Variants in CRISP1 observed in about 807,000 individuals in gnomAD.
CRISP1 encodes the protein cysteine rich secretory protein 1, also known as cysteine-rich secretory protein 1.
CRISP1 carries 44 observed loss-of-function variants against 33.1 expected under a neutral mutation model. The ratio of observed to expected loss-of-function variants is 1.33; its 90% CI spans 1.05 to 1.71. The LOEUF is 1.71. Among genes scored for constraint, CRISP1 ranks in the 40% most tolerant of loss-of-function variants. The pLI is 0.00. For synonymous variants in CRISP1, 103 were observed against 98.7 expected (o/e 1.04, Z -0.26); for missense variants, 390 against 301.2 (o/e 1.29, Z -2.18).
chr6:49,838,514 G>A lies in CRISP1; in HGVS notation c.545C>T (p.Pro182Leu). ...CTTATAAGGTTCATTCTTTGTTTCA[G>A]GATCATTTCCCCTTGAATAAAAAAA... Reference protein sequence around the residue: ...VCHYCHEGNDPETKNEPYKTG... With the variant: ...VCHYCHEGNDLETKNEPYKTG... Residue 182 changes from proline (P) to leucine (L), a missense_variant, in exon 7 of 8, where the codon CCT becomes CTT. By Grantham distance (98) the Pro-to-Leu change is moderately conservative. Coordinates refer to ENST00000335847, the MANE Select transcript of CRISP1 (RefSeq NM_001131.3). The A allele has an allele frequency of 1.2e-6, 2 of 1,611,392 alleles. No individual in the cohort carries two copies. Among genetic ancestry groups the A allele is most frequent in the Non-Finnish European group, 1.7e-6 (2 of 1,178,796 alleles).
At chr6:49,848,339 T>C in intron 3 of CRISP1, 40 bp from the exon 4 acceptor site, 3 of 1,165,878 alleles carry the variant, frequency 2.6e-6, no homozygotes, top group Non-Finnish European at 3.7e-6. Context: ...TTCCAATTAA[T>C]ATTTTCATAA....
intron 5 of CRISP1, among the ~76,000 whole-genome samples, chr6:49,844,563 T>TGAGGCTGCCTCACGGAGCTAAAGGGAA (rs1771096466): frequency 6.7e-6 from 1 of 148,866 alleles, no homozygotes; most frequent in Non-Finnish European, 1.5e-5. Context: ...AGTCATTTGA[T>TGAGGCTGCCTCACGGAGCTAAAGGGAA]GAGGCTGCCT....
At chr6:49,847,835 C>T (rs1289459882) in intron 4 of CRISP1, among the ~76,000 whole-genome samples, 1 of 152,034 alleles carries the variant, frequency 6.6e-6, no homozygotes, top group Non-Finnish European at 1.5e-5. Flanking sequence ...ACTGCATTAT[C>T]GTTCCAAAGC....
chr6:49,838,351 G>T, intron 7 of CRISP1, 86 bp downstream of exon 7: 1 of 954,034 alleles, frequency 1.0e-6, no homozygotes, highest in South Asian at 1.5e-5. Flanking sequence ...AGAAAAGTGC[G>T]ATGTTTTTTA....
intron 2 of CRISP1, among the ~76,000 whole-genome samples, chr6:49,853,897 A>G (rs1478999624): frequency 6.6e-6 from 1 of 152,166 alleles, no homozygotes; most frequent in Non-Finnish European, 1.5e-5. Flanking sequence ...ATGTCTCACA[A>G]AACAAAACAA....
chr6:49,869,869 T>C (rs150072462), upstream of CRISP1, among the ~76,000 whole-genome samples: 59 of 152,228 alleles, frequency 3.9e-4, no homozygotes, highest in African/African-American at 1.4e-3. Flanking sequence ...TTCAATCTCG[T>C]TTATAAGGGG....
chr6:49,857,208 G>T, intron 2 of CRISP1, 127 bp downstream of exon 2: 1 of 809,696 alleles, frequency 1.2e-6, no homozygotes, highest in Non-Finnish European at 2.0e-6. Context: ...CAGGGCTATT[G>T]TGAAAACAAA....
intron 2 of CRISP1, among the ~76,000 whole-genome samples, chr6:49,853,749 C>CT (rs889469754): frequency 5.9e-5 from 9 of 152,116 alleles, no homozygotes; most frequent in African/African-American, 2.2e-4. Context: ...GTGTTCTCTA[C>CT]TTTCACAACT....
chr6:49,852,576 G>A (rs1264560887), intron 2 of CRISP1, among the ~76,000 whole-genome samples: 1 of 151,992 alleles, frequency 6.6e-6, no homozygotes, highest in Admixed American at 6.6e-5. Context: ...TGTGTGTCTG[G>A]GGTAACCCAA....
chr6:49,854,609 T>C (rs1370472015), intron 2 of CRISP1, among the ~76,000 whole-genome samples: 1 of 152,122 alleles, frequency 6.6e-6, no homozygotes, highest in Non-Finnish European at 1.5e-5. Context: ...CAACTATTGT[T>C]CTCTGTCTCT....
chr6:49,834,968 GA>G lies in CRISP1; in HGVS notation c.*347del. On this transcript the variant is annotated 3_prime_UTR_variant, in exon 8 of 8. Transcript: ENST00000335847. ...TGCAGGGAAGATAATCAGAGTGGTT[GA>G]AAATATGGGGAAGGCGGGGGTGGGA... 6.2e-6 allele frequency: 1 copy of G among 161,890 alleles called. No individual in the cohort carries two copies. The highest frequency in any genetic ancestry group is 1.3e-5 in the Non-Finnish European group (1 of 78,310). The allele number at this position is 161,890 out of a possible 1,614,324, so 10.0% of individuals were successfully genotyped here.
chr6:49,857,796 A>T (rs551651622), intron 1 of CRISP1, among the ~76,000 whole-genome samples: 1 of 152,194 alleles, frequency 6.6e-6, no homozygotes, highest in African/African-American at 2.4e-5. Flanking sequence ...AAAAGAGTCA[A>T]TGTCAGTGAT....
rs1483686604 is a variant in CRISP1, at chr6:49,835,683, A to C, written c.623-240T>G. 2.0e-5 allele frequency among the ~76,000 whole-genome samples: 3 copies of C among 152,222 alleles called. No homozygotes were observed. In the South Asian group the frequency reaches 6.2e-4, roughly 32 times the overall value. ...GTTTTTATCACAATTTTTTAAGTCC[A>C]ATATAAACAGATTGGAGAGGAATCA... is the stretch of plus-strand genomic sequence containing the variant. On this transcript the variant is annotated intron_variant, in intron 7 of 7. Coordinates refer to ENST00000335847, the MANE Select transcript of CRISP1 (RefSeq NM_001131.3).
intron 1 of CRISP1, among the ~76,000 whole-genome samples, chr6:49,876,429 C>CTGTTGG (rs1443312807): frequency 6.6e-6 from 1 of 151,818 alleles, no homozygotes; most frequent in African/African-American, 2.4e-5. Flanking sequence ...TGCTTTTACA[C>CTGTTGG]TGTTGGTGGG....
chr6:49,875,437 T>C (rs1393378752), intron 1 of CRISP1, among the ~76,000 whole-genome samples: 1 of 152,092 alleles, frequency 6.6e-6, no homozygotes, highest in Non-Finnish European at 1.5e-5. Context: ...TGCTCATGGA[T>C]AGGAAGAATC....
At chr6:49,871,722 C>T (rs1771928707) in intron 1 of CRISP1, among the ~76,000 whole-genome samples, 1 of 151,898 alleles carries the variant, frequency 6.6e-6, no homozygotes, top group African/African-American at 2.4e-5. Flanking sequence ...CTACAAAGGA[C>T]ATGAACTTAT....
intron 2 of CRISP1, among the ~76,000 whole-genome samples, chr6:49,855,310 A>G (rs1771464992): frequency 6.6e-6 from 1 of 152,140 alleles, no homozygotes; most frequent in South Asian, 2.1e-4. Context: ...CACAGACACA[A>G]TGGATTCACT....
At chr6:49,859,708 A>G (rs1771595224) in intron 1 of CRISP1, among the ~76,000 whole-genome samples, 1 of 152,190 alleles carries the variant, frequency 6.6e-6, no homozygotes, top group Admixed American at 6.5e-5. Context: ...CAATAAGAGA[A>G]AAAGGAAACA....
chr6:49,861,105 T>C (rs1455736484), intron 1 of CRISP1, among the ~76,000 whole-genome samples: 1 of 151,998 alleles, frequency 6.6e-6, no homozygotes, highest in East Asian at 1.9e-4. Context: ...TAATAAAAAC[T>C]CTACCAATAA....
Sources: allele counts gnomAD v4.1 joint callset (sites outside exome capture counted in the v4.1 genomes callset), GRCh38; gene constraint gnomAD v4.1.1; transcripts MANE v1.5; gene names NCBI Gene and HGNC (gene_info 2026-07-23, HGNC 2026-07-21).